Variants in ELMOD1 observed in about 807,000 individuals in gnomAD.
ELMOD1 encodes ELMO domain-containing protein 1.
ELMOD1 carries 21 observed loss-of-function variants against 46.7 expected under a neutral mutation model. The observed-to-expected ratio is 0.45, with a 90% confidence interval of 0.32 to 0.65. The LOEUF (loss-of-function observed/expected upper bound fraction) is 0.65. Ranked by LOEUF, ELMOD1 falls within the 30% of genes least tolerant of loss-of-function variation. The pLI is 0.04. For missense variants in ELMOD1, 348 were observed against 407.8 expected, an observed-to-expected ratio of 0.85 and a Z score of 1.26; for synonymous variants, 122 against 138.2, an observed-to-expected ratio of 0.88 and a Z score of 0.82.
chr11:107,625,467 C>G (rs1866025255), intron 2 of ELMOD1: 1 of 985,232 alleles, frequency 1.0e-6, no homozygotes, highest in Non-Finnish European at 1.2e-6. Context: ...CCACTTTTCT[C>G]TTACTGTTCC....
intron 6 of ELMOD1, among the ~76,000 whole-genome samples, chr11:107,641,411 G>T (rs1001615474): frequency 2.6e-5 from 4 of 152,222 alleles, no homozygotes; most frequent in African/African-American, 9.6e-5. Context: ...ACCAAGATAT[G>T]CCAGAACCTA....
intron 11 of ELMOD1, among the ~76,000 whole-genome samples, chr11:107,659,078 T>G (rs1866683643): frequency 6.6e-6 from 1 of 152,140 alleles, no homozygotes; most frequent in Non-Finnish European, 1.5e-5. Context: ...GGCTGAGTGG[T>G]CCGGTGAAGG....
chr11:107,593,231 T>C (rs1167026743), intron 1 of ELMOD1: 1 of 152,488 alleles, frequency 6.6e-6, no homozygotes, highest in Non-Finnish European at 1.5e-5. Context: ...ATCAAAGATT[T>C]GTTTATTTCT....
chr11:107,631,298 A>G (rs1469915456), intron 4 of ELMOD1, among the ~76,000 whole-genome samples: 1 of 152,072 alleles, frequency 6.6e-6, no homozygotes, highest in Admixed American at 6.5e-5. Flanking sequence ...TGAAAATATT[A>G]CATTTCAATA....
chr11:107,650,850 T>C, intron 8 of ELMOD1, 35 bp from the exon 9 acceptor site: 1 of 1,085,336 alleles, frequency 9.2e-7, no homozygotes, highest in Non-Finnish European at 1.3e-6. Flanking sequence ...GCATTTTCAT[T>C]TACTTTTCTA....
chr11:107,642,083 A>G (rs1866334083), intron 6 of ELMOD1, among the ~76,000 whole-genome samples: 2 of 151,272 alleles, frequency 1.3e-5, no homozygotes, highest in Non-Finnish European at 1.5e-5. Context: ...AGCTGGGATT[A>G]CAGGCACCTG....
intron 5 of ELMOD1, among the ~76,000 whole-genome samples, chr11:107,632,399 T>C (rs1866156095): frequency 6.6e-6 from 1 of 152,196 alleles, no homozygotes; most frequent in African/African-American, 2.4e-5. Context: ...CTGAGAACTT[T>C]AGATGTTACC....
intron 5 of ELMOD1, among the ~76,000 whole-genome samples, chr11:107,632,750 G>A (rs17107253): frequency 0.019 from 2,824 of 152,282 alleles, 110 homozygotes; most frequent in African/African-American, 0.065. Flanking sequence ...ACTGGCAAGA[G>A]GGATATATGA....
At chr11:107,613,048 C>A (rs1369427943) in intron 1 of ELMOD1, among the ~76,000 whole-genome samples, 1 of 152,128 alleles carries the variant, frequency 6.6e-6, no homozygotes, top group South Asian at 2.1e-4. Flanking sequence ...ATTCTACCTT[C>A]TAAATATTTT....
chr11:107,632,024 G>A (rs765384698), intron 5 of ELMOD1, among the ~76,000 whole-genome samples: 7 of 152,180 alleles, frequency 4.6e-5, no homozygotes, highest in Non-Finnish European at 8.8e-5. Flanking sequence ...ATGTGCTTAA[G>A]CTGATTCTGT....
rs1485460857 is a variant in ELMOD1, at chr11:107,614,201, CTGTCCAT to C, written c.-85-3901_-85-3895del. On this transcript the variant is annotated intron_variant, in intron 1 of 11. Transcript: ENST00000265840. ...TCTCTCATATCTTTCACACCTCTGT[CTGTCCAT>C]TGCCTTATCCTGCCATTAATATCTT... is the stretch of plus-strand genomic sequence containing the variant. Among the ~76,000 whole-genome samples, 4 of 152,224 alleles carry C rather than the reference CTGTCCAT, an allele frequency of 2.6e-5. No homozygotes were observed. The East Asian group carries it at 5.8e-4, about 22-fold the overall frequency.
At chr11:107,650,612 G>C (rs1417000015) in intron 8 of ELMOD1, among the ~76,000 whole-genome samples, 1 of 152,170 alleles carries the variant, frequency 6.6e-6, no homozygotes, top group Non-Finnish European at 1.5e-5. Context: ...GTTCAGGTGA[G>C]ATATGTATTT....
In ELMOD1 at chr11:107,665,209, G is replaced by T. The variant is rs770654375; in HGVS notation, c.*12G>T. The T allele has an allele frequency of 1.2e-6, 2 of 1,612,610 alleles. No individual in the cohort carries two copies. The highest frequency in any genetic ancestry group is 8.5e-7 in the Non-Finnish European group (1 of 1,179,120). ...TAATCAACATGTAGTTGCCCACGCC[G>T]GTTTTAATGGATACCCTGGAACACT... On this transcript the variant is annotated 3_prime_UTR_variant, in exon 12 of 12. Transcript: ENST00000265840.
At chr11:107,613,636 T>C (rs1254922383) in intron 1 of ELMOD1, among the ~76,000 whole-genome samples, 1 of 152,196 alleles carries the variant, frequency 6.6e-6, no homozygotes, top group African/African-American at 2.4e-5. Flanking sequence ...TCTCACATCA[T>C]TATGAAATAA....
chr11:107,630,505 G>C lies in ELMOD1; in HGVS notation c.106G>C (p.Glu36Gln), dbSNP rs761468034. 99 of 1,609,818 alleles carry C rather than the reference G, an allele frequency of 6.1e-5. No individual in the cohort carries two copies. The highest frequency in any genetic ancestry group is 8.1e-5 in the Non-Finnish European group (96 of 1,178,084). Residue 36 changes from glutamate (E) to glutamine (Q), a missense_variant, in exon 3 of 12, where the codon GAA (glutamate) becomes CAA (glutamine). By Grantham distance (29) the Glu-to-Gln change is conservative. Transcript: ENST00000265840. ...AATGAGGAAGCTAACTGGAAGATGT[G>C]AACTACAACGGATCTGTTATAATAC... ...FVMRKLTGRC[E>Q]LQRICYNTKP...
chr11:107,632,856 C>T (rs890898255), intron 5 of ELMOD1, among the ~76,000 whole-genome samples: 1 of 152,110 alleles, frequency 6.6e-6, no homozygotes, highest in Non-Finnish European at 1.5e-5. Context: ...TCTTTGCCAT[C>T]CATTCTCTTG....
Position 107,650,497 on chromosome 11 carries a change from G to T in ELMOD1, c.623+94G>T. ...GTATCTGTTGATGAGATTCTCAGGA[G>T]AGTGAGGCTCAAAGCTTTTTCAAAC... On this transcript the variant is annotated intron_variant, in intron 8 of 11. Coordinates refer to ENST00000265840, the MANE Select transcript of ELMOD1 (RefSeq NM_018712.4). 6.3e-6 allele frequency: 6 copies of T among 947,718 alleles called. No homozygotes were observed. In the South Asian group the frequency reaches 8.7e-5, roughly 14 times the overall value. 58.7% of individuals were successfully genotyped at this position (947,718 alleles called of 1,614,324 possible).
At chr11:107,660,755 A>C (rs1476397802) in intron 11 of ELMOD1, among the ~76,000 whole-genome samples, 2 of 152,200 alleles carry the variant, frequency 1.3e-5, no homozygotes, top group Non-Finnish European at 2.9e-5. Flanking sequence ...GTAAGAATGC[A>C]ATGAGATGGT....
chr11:107,613,893 G>A (rs1865818960), intron 1 of ELMOD1, among the ~76,000 whole-genome samples: 4 of 152,086 alleles, frequency 2.6e-5, no homozygotes, highest in Admixed American at 2.6e-4. Flanking sequence ...TACATGCTGA[G>A]GAAGCCCAAA....
Sources: allele counts gnomAD v4.1 joint callset (sites outside exome capture counted in the v4.1 genomes callset), GRCh38; gene constraint gnomAD v4.1.1; transcripts MANE v1.5; gene names NCBI Gene and HGNC (gene_info 2026-07-23, HGNC 2026-07-21).